Variants in ELAPOR2 observed in about 807,000 individuals in gnomAD.
The protein encoded by ELAPOR2 is endosome/lysosome-associated apoptosis and autophagy regulator family member 2.
In ELAPOR2, 89 loss-of-function variants were observed where a neutral mutation model predicts 120.7. The observed-to-expected ratio is 0.74, with a 90% confidence interval of 0.62 to 0.88. ELAPOR2 has a LOEUF of 0.88. ELAPOR2 is among the 40% of genes least tolerant of loss of function. The pLI is 0.00. For missense variants in ELAPOR2, 1,134 were observed against 1,251.6 expected (o/e 0.91, Z 1.42); for synonymous variants, 444 against 444.9 (o/e 1.00, Z 0.03).
chr7:86,984,937 G>C (rs1356039010), intron 1 of ELAPOR2, among the ~76,000 whole-genome samples: 3 of 152,146 alleles, frequency 2.0e-5, no homozygotes, highest in African/African-American at 7.2e-5. Flanking sequence ...TAGACTGCTA[G>C]CAAGACTAAT....
rs1788502842 is a variant in ELAPOR2, at chr7:86,897,601, T to C, written c.2590A>G (p.Thr864Ala). ...KCPAGTCDGCTFYFLWESAEA... is the reference protein window; with the variant it reads ...KCPAGTCDGCAFYFLWESAEA... ...GCACTCTCCCACAGGAAATAGAACG[T>C]ACACCCATCACAGGTACCTGCTGGG... The change falls in exon 19 of 22, where the codon ACG becomes GCG. Residue 864 changes from threonine to alanine, a missense_variant. Physicochemically the swap from Thr to Ala is moderately conservative, Grantham distance 58. Around this residue, in one of 3 missense-constraint regions of ELAPOR2, gnomAD observed 831 missense variants for 867.6 expected, o/e 0.96. Transcript: ENST00000450689. 6 of 1,613,354 alleles carry C rather than the reference T, an allele frequency of 3.7e-6. No individual in the cohort carries two copies. The highest frequency in any genetic ancestry group is 3.4e-6 in the Non-Finnish European group (4 of 1,179,538).
intron 1 of ELAPOR2, among the ~76,000 whole-genome samples, chr7:87,011,073 C>G (rs1225570207): frequency 6.6e-6 from 1 of 151,812 alleles, no homozygotes; most frequent in Non-Finnish European, 1.5e-5. Context: ...CGAGACCATC[C>G]TGGCCAACAT....
In ELAPOR2 at chr7:87,053,293, C is replaced by T. The variant is rs1795167717; in HGVS notation, c.189+6032G>A. Among the ~76,000 whole-genome samples, 3 of 152,102 alleles carry T rather than the reference C, an allele frequency of 2.0e-5. No homozygotes were observed. The South Asian group carries it at 6.2e-4, about 32-fold the overall frequency. On this transcript the variant is annotated intron_variant, in intron 1 of 21. Transcript: ENST00000450689. Reference sequence around the variant, plus strand: ...ATGTCTTACTCATTTTTAAAACCCCCAAAATGCCTTAAATGAAAGATAGTA... The same window carrying T: ...ATGTCTTACTCATTTTTAAAACCCCTAAAATGCCTTAAATGAAAGATAGTA...
chr7:86,920,182 T>C (rs967582565), intron 10 of ELAPOR2, among the ~76,000 whole-genome samples: 8 of 152,166 alleles, frequency 5.3e-5, no homozygotes, highest in African/African-American at 1.9e-4. Flanking sequence ...TATACAGAGA[T>C]GATATGTTGA....
Position 86,887,524 on chromosome 7 carries a change from C to A in ELAPOR2, c.3030+4200G>T, listed in dbSNP as rs572941716. 4.6e-5 allele frequency among the ~76,000 whole-genome samples: 7 copies of A among 152,126 alleles called. No homozygotes were observed. In the South Asian group the frequency reaches 1.5e-3, roughly 32 times the overall value. ...TTCCAGTCTGATCAGCTAACTCTAC[C>A]CATACATTGTGAACCTTGAAACAAA... On this transcript the variant is annotated intron_variant, in intron 21 of 21. Coordinates refer to ENST00000450689, the MANE Select transcript of ELAPOR2 (RefSeq NM_001142749.3).
In ELAPOR2 at chr7:86,994,526, A is replaced by G. The variant is rs115235336; in HGVS notation, c.190-29502T>C. Among the ~76,000 whole-genome samples, 359 of 152,332 alleles carry G rather than the reference A, an allele frequency of 2.4e-3. 1 individual carries two copies. Among genetic ancestry groups the G allele is most frequent in the African/African-American group, 8.3e-3 (347 of 41,570 alleles). Reference sequence around the variant, plus strand: ...TTTTAAAAACTGAGTTGGTTAAACAATCCTTGTCTATTGTCTAAAATATTA... The same window carrying G: ...TTTTAAAAACTGAGTTGGTTAAACAGTCCTTGTCTATTGTCTAAAATATTA... On this transcript the variant is annotated intron_variant, in intron 1 of 21. Transcript: ENST00000450689.
chr7:87,043,085 C>A (rs558162770), intron 1 of ELAPOR2, among the ~76,000 whole-genome samples: 2 of 151,932 alleles, frequency 1.3e-5, no homozygotes, highest in South Asian at 4.2e-4. Flanking sequence ...TCTGAATAGA[C>A]CAATAACAGG....
chr7:87,045,354 A>C (rs1272725446), intron 1 of ELAPOR2, among the ~76,000 whole-genome samples: 1 of 150,054 alleles, frequency 6.7e-6, no homozygotes, highest in African/African-American at 2.5e-5. Flanking sequence ...ACTTGGAACC[A>C]ACCCAAATGC....
rs1791070362 is a variant in ELAPOR2, at chr7:86,947,818, A to G, written c.415T>C (p.Trp139Arg). The change falls in exon 3 of 22, where the codon TGG becomes CGG. Residue 139 changes from tryptophan to arginine, a missense_variant. Transcript: ENST00000450689. ...SLGSGIKFDE[W>R]DELPAGFSNI... The stretch of plus-strand genomic sequence containing the variant: ...GAAAATCCTGCCGGCAATTCATCCC[A>G]TTCATCAAATTTGATGCCACTGCCC... The G allele has an allele frequency of 2.6e-6, 4 of 1,551,818 alleles. No individual in the cohort carries two copies. Among genetic ancestry groups the G allele is most frequent in the Non-Finnish European group, 3.5e-6 (4 of 1,147,056 alleles).
At chr7:87,053,355 A>G (rs1221910160) in intron 1 of ELAPOR2, among the ~76,000 whole-genome samples, 1 of 152,218 alleles carries the variant, frequency 6.6e-6, no homozygotes, top group Non-Finnish European at 1.5e-5. Flanking sequence ...CTTGCCCTCA[A>G]TGAACATATC....
At chr7:87,036,660 T>C (rs1374197704) in intron 1 of ELAPOR2, among the ~76,000 whole-genome samples, 1 of 152,224 alleles carries the variant, frequency 6.6e-6, no homozygotes, top group Non-Finnish European at 1.5e-5. Flanking sequence ...GAGGCTATTT[T>C]CCTAAGCAAA....
chr7:87,023,583 T>G (rs1794137463), intron 1 of ELAPOR2, among the ~76,000 whole-genome samples: 2 of 152,164 alleles, frequency 1.3e-5, no homozygotes, highest in Non-Finnish European at 2.9e-5. Context: ...TTAAAGTAGT[T>G]TTTTCCAGTT....
At chr7:86,895,583 A>T (rs1788400654) in intron 19 of ELAPOR2, among the ~76,000 whole-genome samples, 1 of 152,114 alleles carries the variant, frequency 6.6e-6, no homozygotes, top group Non-Finnish European at 1.5e-5. Flanking sequence ...GGCAAAAACA[A>T]ATACTAAAGA....
chr7:86,958,242 T>A (rs944056372), intron 2 of ELAPOR2, among the ~76,000 whole-genome samples: 2 of 152,188 alleles, frequency 1.3e-5, no homozygotes, highest in African/African-American at 4.8e-5. Context: ...CTAATCTGCT[T>A]TTTATAAAGG....
chr7:87,050,612 C>T (rs939919893), intron 1 of ELAPOR2, among the ~76,000 whole-genome samples: 9 of 152,178 alleles, frequency 5.9e-5, no homozygotes, highest in African/African-American at 1.9e-4. Context: ...ACTTTTTTTA[C>T]AGCAATGCGA....
rs1396720432 is a variant in ELAPOR2 at position 86,973,676 on chromosome 7, CA to C, written c.190-8653del. On this transcript the variant is annotated intron_variant, in intron 1 of 21. Coordinates refer to ENST00000450689, the MANE Select transcript of ELAPOR2 (RefSeq NM_001142749.3). ...AGGAAGATGGACCTGGGAAACCTCA[CA>C]AAGGACCTGGAAGCAATCTTGGATC... 2.0e-5 allele frequency among the ~76,000 whole-genome samples: 3 copies of C among 152,164 alleles called. No homozygotes were observed. The East Asian group carries it at 5.8e-4, about 29-fold the overall frequency.
intron 1 of ELAPOR2, among the ~76,000 whole-genome samples, chr7:86,989,025 T>C (rs1213908052): frequency 6.6e-6 from 1 of 152,214 alleles, no homozygotes; most frequent in Non-Finnish European, 1.5e-5. Flanking sequence ...TAGAGTATTA[T>C]AAAACCATAA....
intron 1 of ELAPOR2, among the ~76,000 whole-genome samples, chr7:86,984,499 T>G (rs1792637995): frequency 6.6e-6 from 1 of 152,284 alleles, no homozygotes; most frequent in East Asian, 1.9e-4. Context: ...CAGACCACAG[T>G]GCAAACAAAT....
At position 86,974,580 on chromosome 7, in the gene ELAPOR2, AGT is replaced by A. The variant is rs35712048; in HGVS notation, c.190-9558_190-9557del. 2.9e-3 allele frequency among the ~76,000 whole-genome samples: 396 copies of A among 138,816 alleles called. 1 individual carries two copies. The highest frequency in any genetic ancestry group is 0.02 in the East Asian group (97 of 4,742). 91.1% of individuals were successfully genotyped at this position (138,816 alleles called of 152,430 possible). A position where few individuals can be genotyped will look rare whatever the true frequency, so the allele number is the denominator to read the frequency against. ...TAAAGCAATATATCTGAACCCCTGT[AGT>A]GTGTGTGTGTGTGTGTGTGTGTGTG... On this transcript the variant is annotated intron_variant, in intron 1 of 21. Coordinates refer to ENST00000450689, the MANE Select transcript of ELAPOR2 (RefSeq NM_001142749.3).
Sources: allele counts gnomAD v4.1 joint callset (sites outside exome capture counted in the v4.1 genomes callset), GRCh38; gene constraint gnomAD v4.1.1; regional missense constraint gnomAD v4.1.1; transcripts MANE v1.5; gene names NCBI Gene and HGNC (gene_info 2026-07-23, HGNC 2026-07-21).